FAM81A: variants seen among roughly 807,000 people sequenced by gnomAD.
The protein encoded by FAM81A is protein FAM81A.
Under a neutral mutation model 46.7 loss-of-function variants are expected in FAM81A, and 19 were observed. The ratio of observed to expected loss-of-function variants is 0.41; its 90% CI spans 0.28 to 0.60. The LOEUF is 0.60. FAM81A is among the 20% of genes least tolerant of loss of function. The pLI is 0.34. For synonymous variants in FAM81A, 183 were observed against 152.9 expected, an observed-to-expected ratio of 1.20 and a Z score of -1.45; for missense variants, 377 against 453.5, an observed-to-expected ratio of 0.83 and a Z score of 1.53.
At chr15:59,452,092 T>G (rs958811175) in intron 1 of FAM81A, among the ~76,000 whole-genome samples, 10 of 152,240 alleles carry the variant, frequency 6.6e-5, no homozygotes, top group Non-Finnish European at 1.5e-4. Flanking sequence ...GGATCATTTT[T>G]GTGGATCAGC....
chr15:59,489,069 T>C (rs1194258543), intron 3 of FAM81A, among the ~76,000 whole-genome samples: 5 of 152,068 alleles, frequency 3.3e-5, no homozygotes, highest in Admixed American at 1.3e-4. Flanking sequence ...ATCGAGACCA[T>C]ACTGGCTAAC....
At chr15:59,495,789 G>A (rs1360346363) in intron 4 of FAM81A, among the ~76,000 whole-genome samples, 2 of 152,180 alleles carry the variant, frequency 1.3e-5, no homozygotes, top group Non-Finnish European at 2.9e-5. Flanking sequence ...ATCATTTAAT[G>A]TGCTTGCTCG....
chr15:59,416,601 T>A (rs1022701117), intron 2 of FAM81A, among the ~76,000 whole-genome samples: 1 of 152,114 alleles, frequency 6.6e-6, no homozygotes, highest in Non-Finnish European at 1.5e-5. Flanking sequence ...GGCATCAACA[T>A]CATCTGCTAC....
intron 3 of FAM81A, among the ~76,000 whole-genome samples, chr15:59,481,263 G>T (rs1343633371): frequency 6.6e-6 from 1 of 152,196 alleles, no homozygotes; most frequent in Non-Finnish European, 1.5e-5. Flanking sequence ...CTCCCAGAGT[G>T]CTGGGATTAC....
At chr15:59,483,540 T>C (rs997995539) in intron 3 of FAM81A, among the ~76,000 whole-genome samples, 3 of 152,194 alleles carry the variant, frequency 2.0e-5, no homozygotes, top group Non-Finnish European at 2.9e-5. Context: ...AAACAAATTA[T>C]GTAAGCATAA....
intron 6 of FAM81A, among the ~76,000 whole-genome samples, chr15:59,513,959 A>T (rs1300198083): frequency 6.6e-6 from 1 of 152,202 alleles, no homozygotes; most frequent in East Asian, 1.9e-4. Flanking sequence ...CATTATCCTC[A>T]GCAAAGTAAC....
chr15:59,485,824 A>G (rs1323694557), intron 3 of FAM81A, among the ~76,000 whole-genome samples: 1 of 152,246 alleles, frequency 6.6e-6, no homozygotes, highest in African/African-American at 2.4e-5. Flanking sequence ...GGAAACTCAA[A>G]GAAATTCAAG....
intron 8 of FAM81A, among the ~76,000 whole-genome samples, chr15:59,517,297 C>A (rs1202280828): frequency 2.0e-5 from 3 of 152,176 alleles, no homozygotes; most frequent in African/African-American, 7.2e-5. Context: ...AGAACATTAG[C>A]ACTGATTTCA....
At chr15:59,476,205 G>T (rs942254922) in intron 3 of FAM81A, among the ~76,000 whole-genome samples, 1 of 151,968 alleles carries the variant, frequency 6.6e-6, no homozygotes, top group African/African-American at 2.4e-5. Flanking sequence ...TCACATCAAG[G>T]GTTAGGAGTT....
chr15:59,498,947 G>A (rs2082062418), intron 4 of FAM81A, among the ~76,000 whole-genome samples: 1 of 152,156 alleles, frequency 6.6e-6, no homozygotes, highest in African/African-American at 2.4e-5. Context: ...AGGATTACAG[G>A]TGTGAGCCAC....
Position 59,498,767 on chromosome 15 carries a change from G to A in FAM81A, c.413+6378G>A, listed in dbSNP as rs575441737. Among the ~76,000 whole-genome samples the A allele has an allele frequency of 6.6e-5, 10 of 152,238 alleles. No individual in the cohort carries two copies. In the East Asian group the frequency reaches 1.9e-3, roughly 29 times the overall value. ...CCCTCCAGGTTCAAGTGATTCTCCT[G>A]CCTCAGCCTCCCGAGTAGCCGGGAT... On this transcript the variant is annotated intron_variant, in intron 4 of 8. Transcript: ENST00000288228.
At chr15:59,409,890 ACTGTATCTGT>A (rs1380464405) in intron 2 of FAM81A, among the ~76,000 whole-genome samples, 4 of 152,170 alleles carry the variant, frequency 2.6e-5, no homozygotes, top group African/African-American at 9.7e-5. Flanking sequence ...CAGACATTTT[ACTGTATCTGT>A]ATTATTAGTA....
chr15:59,509,059 A>G, intron 6 of FAM81A, 90 bp downstream of exon 6: 1 of 954,798 alleles, frequency 1.0e-6, no homozygotes, highest in Non-Finnish European at 1.5e-6. Flanking sequence ...GTTTTTATTT[A>G]TTGCACAAAT....
In FAM81A at chr15:59,508,916, A is replaced by G; in HGVS notation, c.597A>G (p.Lys199=). 2 of 1,613,480 alleles carry G rather than the reference A, an allele frequency of 1.2e-6. No homozygotes were observed. The highest frequency in any genetic ancestry group is 1.7e-6 in the Non-Finnish European group (2 of 1,179,536). ...VDLSISEQST[K]LKMSHRDSNH... The stretch of plus-strand genomic sequence containing the variant: ...TGTCAATATCAGAGCAGAGCACCAA[A>G]CTGAAGATGTCTCACAGAGACAGTA... Residue 199 remains lysine, a synonymous_variant, in exon 6 of 9, where the codon AAA becomes AAG. Transcript: ENST00000288228.
intron 8 of FAM81A, among the ~76,000 whole-genome samples, chr15:59,518,673 T>C (rs1486717972): frequency 2.0e-5 from 3 of 152,192 alleles, no homozygotes; most frequent in Non-Finnish European, 4.4e-5. Context: ...GATATTCTCT[T>C]ATAAATAACT....
At chr15:59,513,425 G>A (rs1276501272) in intron 6 of FAM81A, among the ~76,000 whole-genome samples, 2 of 152,142 alleles carry the variant, frequency 1.3e-5, no homozygotes, top group Non-Finnish European at 2.9e-5. Context: ...CGGAACTGCC[G>A]GGGTCTGTGG....
chr15:59,433,848 A>T (rs1314839940), upstream of FAM81A, among the ~76,000 whole-genome samples: 1 of 152,022 alleles, frequency 6.6e-6, no homozygotes, highest in Non-Finnish European at 1.5e-5. Context: ...GAAACATTTT[A>T]TTTTTGAGAC....
chr15:59,480,469 C>T (rs1483723370), intron 3 of FAM81A, among the ~76,000 whole-genome samples: 7 of 152,022 alleles, frequency 4.6e-5, no homozygotes, highest in South Asian at 2.1e-4. Context: ...TATTCCAAGC[C>T]GTTTTGGGAA....
intron 2 of FAM81A, among the ~76,000 whole-genome samples, chr15:59,410,639 C>A (rs1385115): frequency 0.96 from 145,652 of 152,366 alleles, 70,002 homozygotes; most frequent in East Asian, 1. Context: ...AACCAGAGAA[C>A]AGTCCCACAT....
Sources: gnomAD v4.1 joint callset for allele counts (sites outside exome capture counted in the v4.1 genomes callset) on GRCh38, gnomAD v4.1.1 for gene constraint, MANE v1.5 for transcripts, NCBI Gene and HGNC (gene_info 2026-07-23, HGNC 2026-07-21) for gene names.